Variants in PCYT1B observed in about 807,000 individuals in gnomAD.
The protein encoded by PCYT1B is phosphate cytidylyltransferase 1B, choline.
A neutral mutation model predicts 26.4 loss-of-function variants in PCYT1B; 10 were observed. The observed-to-expected ratio is 0.38, with a 90% confidence interval of 0.23 to 0.64. PCYT1B has a LOEUF of 0.64. Among genes scored for constraint, PCYT1B ranks in the 30% least tolerant of loss-of-function variants. The pLI is 0.56. For missense variants in PCYT1B, 161 were observed against 292.7 expected (o/e 0.55, Z 3.28); for synonymous variants, 131 against 108.4 (o/e 1.21, Z -1.29).
chrX:24,586,763 A>T (rs760895252), intron 5 of PCYT1B, among the ~76,000 whole-genome samples: 59 of 111,575 alleles, frequency 5.3e-4, no homozygotes, highest in African/African-American at 1.9e-3. Flanking sequence ...CACATATGGT[A>T]CCTGATAATA....
chrX:24,582,061 C>T (rs1057447146), intron 5 of PCYT1B, among the ~76,000 whole-genome samples: 4 of 112,496 alleles, frequency 3.6e-5, no homozygotes, highest in South Asian at 3.7e-4. Flanking sequence ...TCTAAACACA[C>T]GAACATAAAT....
intron 1 of PCYT1B, among the ~76,000 whole-genome samples, chrX:24,636,067 T>C (rs1926258454): frequency 9.0e-6 from 1 of 111,552 alleles, no homozygotes; most frequent in Admixed American, 9.6e-5. Context: ...ACATAAGGTG[T>C]TTCGTTCAAG....
chrX:24,587,495 A>G (rs993877925), intron 4 of PCYT1B, among the ~76,000 whole-genome samples, 176 bp from the exon 5 acceptor site: 1 of 112,127 alleles, frequency 8.9e-6, no homozygotes, highest in African/African-American at 3.2e-5. Context: ...TTTCATTTCT[A>G]TGAGATAATG....
intron 3 of PCYT1B, among the ~76,000 whole-genome samples, chrX:24,602,452 C>A (rs1924998260): frequency 1.8e-5 from 2 of 111,171 alleles, no homozygotes; most frequent in African/African-American, 6.6e-5. Context: ...TGAGTTTGGA[C>A]AATGTAAAAT....
chrX:24,639,144 TA>T, intron 1 of PCYT1B, among the ~76,000 whole-genome samples: 1 of 112,422 alleles, frequency 8.9e-6, no homozygotes, highest in African/African-American at 3.2e-5. Flanking sequence ...AGGAATGGGG[TA>T]GCCCAGACTT....
chrX:24,604,710 C>G (rs1925070158), intron 3 of PCYT1B, among the ~76,000 whole-genome samples: 1 of 111,340 alleles, frequency 9.0e-6, no homozygotes, highest in Non-Finnish European at 1.9e-5. Context: ...CATGCACCAC[C>G]ATGCCCAGCT....
chrX:24,620,766 G>A (rs759685498), intron 1 of PCYT1B, among the ~76,000 whole-genome samples: 2 of 112,388 alleles, frequency 1.8e-5, no homozygotes, highest in African/African-American at 3.2e-5. Context: ...TGAAACTGTG[G>A]AAAAGCAGGA....
rs1428555923 is a variant in PCYT1B, at chrX:24,562,230, A to G, written c.*63T>C. ...ATTACCCTTCAAACACCACCCAGGCAACCCTGTGACTCTCGCCCTCCTCCC... is the reference window on the plus strand; with the variant it reads ...ATTACCCTTCAAACACCACCCAGGCGACCCTGTGACTCTCGCCCTCCTCCC... On this transcript the variant is annotated 3_prime_UTR_variant, in exon 8 of 8. Coordinates refer to ENST00000379144, the MANE Select transcript of PCYT1B (RefSeq NM_004845.5). The G allele has an allele frequency of 8.5e-7, 1 of 1,174,230 alleles. No individual in the cohort carries two copies. The highest frequency in any genetic ancestry group is 1.8e-5 in the African/African-American group (1 of 56,356).
chrX:24,564,085 C>T (rs371816686), intron 7 of PCYT1B, among the ~76,000 whole-genome samples: 1 of 109,446 alleles, frequency 9.1e-6, no homozygotes, highest in Non-Finnish European at 1.9e-5. Context: ...GGGAGGCTGA[C>T]GCAGGAGAAC....
chrX:24,619,343 A>G, intron 1 of PCYT1B, among the ~76,000 whole-genome samples: 1 of 111,672 alleles, frequency 9.0e-6, no homozygotes. Flanking sequence ...TAGATGAGAT[A>G]CTCTGCTGTT....
At chrX:24,672,589 G>C in exon 1 of PCYT1B, 1 of 1,206,991 alleles carries the variant, frequency 8.3e-7, no homozygotes, top group Non-Finnish European at 1.1e-6. Flanking sequence ...CAATTGGGGA[G>C]CGCGATTGTC....
chrX:24,598,734 TA>T (rs781760800), intron 3 of PCYT1B, among the ~76,000 whole-genome samples: 4 of 112,273 alleles, frequency 3.6e-5, no homozygotes, highest in African/African-American at 1.3e-4. Context: ...TTCTATCATT[TA>T]TTTTTGAGTG....
rs758772968 is a variant in PCYT1B at position 24,601,769 on chromosome X, A to C, written c.334+5976T>G. On this transcript the variant is annotated intron_variant, in intron 3 of 7. Coordinates refer to ENST00000379144, the MANE Select transcript of PCYT1B (RefSeq NM_004845.5). ...ACTATACACCTATTAGAATGACAAA[A>C]GTCCAAAACATTGATACAACCAAAT... Among the ~76,000 whole-genome samples the C allele has an allele frequency of 2.7e-5, 3 of 111,702 alleles. No individual in the cohort carries two copies. The East Asian group carries it at 8.5e-4, about 31-fold the overall frequency.
chrX:24,591,717 C>A (rs184882263), intron 3 of PCYT1B, among the ~76,000 whole-genome samples: 175 of 111,462 alleles, frequency 1.6e-3, no homozygotes, highest in African/African-American at 5.5e-3. Context: ...GGCACTGTGC[C>A]CAGCCAACAA....
chrX:24,638,786 T>C (rs1304592238), intron 1 of PCYT1B, among the ~76,000 whole-genome samples: 1 of 111,745 alleles, frequency 8.9e-6, no homozygotes, highest in Non-Finnish European at 1.9e-5. Context: ...AAGAAAGGCC[T>C]CTATAGTTCA....
chrX:24,596,255 G>A (rs773534590), intron 3 of PCYT1B, among the ~76,000 whole-genome samples: 29 of 111,862 alleles, frequency 2.6e-4, no homozygotes, highest in Middle Eastern at 4.6e-3. Flanking sequence ...TTGCATAGAA[G>A]AATTTTCAAA....
chrX:24,653,449 A>C (rs1373571583), intron 1 of PCYT1B, among the ~76,000 whole-genome samples: 2 of 111,501 alleles, frequency 1.8e-5, no homozygotes, highest in Non-Finnish European at 3.8e-5. Flanking sequence ...AAGAGCTCTC[A>C]ACCAATGATT....
intron 1 of PCYT1B, among the ~76,000 whole-genome samples, chrX:24,643,989 T>A (rs1330407123): frequency 8.9e-6 from 1 of 112,133 alleles, no homozygotes; most frequent in African/African-American, 3.2e-5. Flanking sequence ...GCCTGGGTGC[T>A]GGGAGAAATG....
At position 24,647,309 on chromosome X, in the gene PCYT1B, C is replaced by T; in HGVS notation, c.-204G>A. 3.9e-6 allele frequency: 4 copies of T among 1,014,626 alleles called. No individual in the cohort carries two copies. In the South Asian group the frequency reaches 1.2e-4, roughly 30 times the overall value. The allele number at this position is 1,014,626 out of a possible 1,213,427, so 83.6% of individuals were successfully genotyped here. A position where few individuals can be genotyped will look rare whatever the true frequency, so the allele number is the denominator to read the frequency against. ...TCTCTCTCTCCCAGAAGCCAAGAGG[C>T]AAGGCCTCAGTTTATCACTATAACA... On this transcript the variant is annotated 5_prime_UTR_variant, in exon 1 of 8. Transcript: ENST00000379144.
Sources: allele counts gnomAD v4.1 joint callset (sites outside exome capture counted in the v4.1 genomes callset), GRCh38; gene constraint gnomAD v4.1.1; transcripts MANE v1.5; gene names NCBI Gene and HGNC (gene_info 2026-07-23, HGNC 2026-07-21).